OXR1: variants seen among roughly 807,000 people sequenced by gnomAD.
The protein encoded by OXR1 is oxidation resistance protein 1.
A neutral mutation model predicts 104.6 loss-of-function variants in OXR1; 41 were observed. The ratio of observed to expected loss-of-function variants is 0.39; its 90% CI spans 0.31 to 0.51. The LOEUF is 0.51. Ranked by LOEUF, OXR1 falls within the 20% of genes least tolerant of loss-of-function variation. OXR1 has a pLI of 0.77. For synonymous variants in OXR1, 348 were observed against 348.4 expected (o/e 1.00, Z 0.01); for missense variants, 955 against 1,031.9 (o/e 0.93, Z 1.02).
At chr8:106,416,628 C>A (rs1818689662) in intron 2 of OXR1, among the ~76,000 whole-genome samples, 1 of 151,904 alleles carries the variant, frequency 6.6e-6, no homozygotes, top group Non-Finnish European at 1.5e-5. Flanking sequence ...TAGTGCACAG[C>A]AAATGTAAGA....
intron 2 of OXR1, among the ~76,000 whole-genome samples, chr8:106,394,387 A>G (rs1034169589): frequency 6.6e-6 from 1 of 151,924 alleles, no homozygotes; most frequent in Admixed American, 6.6e-5. Flanking sequence ...CTCTTAGGTA[A>G]TTACCTAAGA....
At chr8:106,435,743 G>A (rs956771871) in intron 2 of OXR1, among the ~76,000 whole-genome samples, 10 of 152,030 alleles carry the variant, frequency 6.6e-5, no homozygotes, top group Admixed American at 2.0e-4. Flanking sequence ...TTCCTTCTTC[G>A]CCACCATAGC....
chr8:106,476,651 T>C (rs548876595), intron 2 of OXR1, among the ~76,000 whole-genome samples: 3 of 151,938 alleles, frequency 2.0e-5, no homozygotes, highest in Non-Finnish European at 4.4e-5. Flanking sequence ...CAGATATCCT[T>C]TCTCTAGTGA....
At chr8:106,675,426 A>T (rs1482499522) in intron 3 of OXR1, among the ~76,000 whole-genome samples, 2 of 152,132 alleles carry the variant, frequency 1.3e-5, no homozygotes, top group Non-Finnish European at 2.9e-5. Context: ...GGCATTTACA[A>T]AATTTATACA....
At chr8:106,326,363 G>A (rs968838377) in intron 1 of OXR1, among the ~76,000 whole-genome samples, 2 of 152,178 alleles carry the variant, frequency 1.3e-5, no homozygotes, top group African/African-American at 2.4e-5. Flanking sequence ...CTTGCCTGCA[G>A]CATAATTCCA....
At chr8:106,567,341 C>G (rs7826722) in intron 3 of OXR1, among the ~76,000 whole-genome samples, 1 of 152,064 alleles carries the variant, frequency 6.6e-6, no homozygotes, top group Non-Finnish European at 1.5e-5. Context: ...GATTACTCAT[C>G]GCTTCACCAG....
chr8:106,544,814 C>A (rs1231898363), intron 3 of OXR1, among the ~76,000 whole-genome samples: 1 of 151,168 alleles, frequency 6.6e-6, no homozygotes. Context: ...TGTGACTATC[C>A]TATTATAAGA....
At position 106,327,809 on chromosome 8, in the gene OXR1, C is replaced by A. The variant is rs540440399; in HGVS notation, c.-138-31667C>A. On this transcript the variant is annotated intron_variant, in intron 1 of 16. Coordinates refer to ENST00000517566, the MANE Select transcript of OXR1 (RefSeq NM_001198533.2). The stretch of plus-strand genomic sequence containing the variant: ...CAGCTCATAATTCAAGTTAATCTAT[C>A]GATAAGCAAAGTATAAATTTACTTC... 2.0e-5 allele frequency among the ~76,000 whole-genome samples: 3 copies of A among 152,266 alleles called. No individual in the cohort carries two copies. In the South Asian group the frequency reaches 6.2e-4, roughly 32 times the overall value.
intron 11 of OXR1, among the ~76,000 whole-genome samples, chr8:106,735,052 C>T (rs903095330): frequency 6.6e-6 from 1 of 152,062 alleles, no homozygotes; most frequent in Non-Finnish European, 1.5e-5. Flanking sequence ...AAATTGTATA[C>T]ATGGAGTATG....
chr8:106,702,718 T>C (rs968086177), intron 7 of OXR1, among the ~76,000 whole-genome samples, 188 bp from the exon 8 acceptor site: 8 of 152,270 alleles, frequency 5.3e-5, no homozygotes, highest in African/African-American at 1.7e-4. Flanking sequence ...ATTCTACCTC[T>C]CCTAAAGAGG....
At chr8:106,347,075 G>A (rs1004640697) in intron 1 of OXR1, among the ~76,000 whole-genome samples, 1 of 152,100 alleles carries the variant, frequency 6.6e-6, no homozygotes, top group African/African-American at 2.4e-5. Context: ...GAAGCTCTTT[G>A]GTGTTCGATT....
intron 2 of OXR1, among the ~76,000 whole-genome samples, chr8:106,479,190 C>A (rs906206842): frequency 2.0e-5 from 3 of 151,850 alleles, no homozygotes; most frequent in African/African-American, 7.3e-5. Flanking sequence ...AAATATTGGC[C>A]TAAATATTTA....
intron 4 of OXR1, among the ~76,000 whole-genome samples, chr8:106,680,389 T>C (rs935844402): frequency 6.6e-6 from 1 of 152,172 alleles, no homozygotes; most frequent in African/African-American, 2.4e-5. Flanking sequence ...TACATGTTTT[T>C]ATCATGTTTA....
At chr8:106,505,386 A>G (rs1259578287) in intron 2 of OXR1, among the ~76,000 whole-genome samples, 1 of 152,198 alleles carries the variant, frequency 6.6e-6, no homozygotes, top group Non-Finnish European at 1.5e-5. Context: ...ACTGTATTGG[A>G]TACATAAAAG....
intron 3 of OXR1, among the ~76,000 whole-genome samples, chr8:106,552,311 T>C (rs1332297699): frequency 6.6e-6 from 1 of 152,048 alleles, no homozygotes; most frequent in Non-Finnish European, 1.5e-5. Flanking sequence ...AGAAACCAGA[T>C]GATGCTTTCT....
chr8:106,642,440 G>T (rs927418114), intron 3 of OXR1, among the ~76,000 whole-genome samples: 8 of 152,118 alleles, frequency 5.3e-5, no homozygotes, highest in Non-Finnish European at 2.9e-5. Context: ...AAGGACCTAG[G>T]TACCTTCTAT....
chr8:106,724,629 C>G (rs908254445), intron 11 of OXR1, among the ~76,000 whole-genome samples: 1 of 152,154 alleles, frequency 6.6e-6, no homozygotes, highest in African/African-American at 2.4e-5. Context: ...TGGAGCCCAG[C>G]ATTCTGGTAT....
At chr8:106,281,523 C>T (rs1812281369) in intron 1 of OXR1, among the ~76,000 whole-genome samples, 1 of 152,134 alleles carries the variant, frequency 6.6e-6, no homozygotes, top group Non-Finnish European at 1.5e-5. Context: ...CAGTTATATG[C>T]CAGGTGCGGT....
intron 3 of OXR1, among the ~76,000 whole-genome samples, chr8:106,633,720 A>G (rs1391282256): frequency 6.6e-6 from 1 of 152,200 alleles, no homozygotes; most frequent in Admixed American, 6.5e-5. Flanking sequence ...TCAACTTATA[A>G]TTGCAGACTT....
Sources: gnomAD v4.1 joint callset for allele counts (sites outside exome capture counted in the v4.1 genomes callset) on GRCh38, gnomAD v4.1.1 for gene constraint, MANE v1.5 for transcripts, NCBI Gene and HGNC (gene_info 2026-07-23, HGNC 2026-07-21) for gene names.